PRPF38B: variants seen among roughly 807,000 people sequenced by gnomAD.
PRPF38B encodes the protein pre-mRNA-splicing factor 38B.
Under a neutral mutation model 67.2 loss-of-function variants are expected in PRPF38B, and 18 were observed. That is an observed-to-expected ratio of 0.27 (90% CI 0.19 to 0.40). The LOEUF (loss-of-function observed/expected upper bound fraction) is 0.40. PRPF38B is among the 10% of genes least tolerant of loss of function. The pLI is 1.00. For missense variants in PRPF38B, 544 were observed against 684.9 expected (o/e 0.79, Z 2.30); for synonymous variants, 246 against 234.2 (o/e 1.05, Z -0.46).
At position 108,692,582 on chromosome 1, in the gene PRPF38B, C is replaced by A. The variant is rs772960236; in HGVS notation, c.-10C>A. 17 of 1,372,120 alleles carry A rather than the reference C, an allele frequency of 1.2e-5. No homozygotes were observed. Among genetic ancestry groups the A allele is most frequent in the Admixed American group, 8.8e-5 (4 of 45,708 alleles). The allele number at this position is 1,372,120 out of a possible 1,614,324, so 85.0% of individuals were successfully genotyped here. ...CCCCTCCTTCCCTCCCTCCTTCCTT[C>A]CGCCGCAACATGGCTAACAACAGCC... On this transcript the variant is annotated 5_prime_UTR_variant, in exon 1 of 6. Coordinates refer to ENST00000370025, the MANE Select transcript of PRPF38B (RefSeq NM_018061.4).
chr1:108,692,756 C>G lies in PRPF38B; in HGVS notation c.165C>G (p.Thr55=), dbSNP rs746697990. 4.3e-6 allele frequency: 7 copies of G among 1,613,994 alleles called. No homozygotes were observed. Among genetic ancestry groups the G allele is most frequent in the African/African-American group, 1.3e-5 (1 of 74,936 alleles). ...NVLPLWGNEK[T]MNLNPMILTN... ...TCCCGCTCTGGGGCAACGAGAAGAC[C>G]ATGAACCTCAACCCCATGATCCTGA... Residue 55 remains threonine (T), a synonymous_variant, in exon 1 of 6, where the codon ACC becomes ACG. Transcript: ENST00000370025.
intron 1 of PRPF38B, among the ~76,000 whole-genome samples, chr1:108,695,218 A>G (rs771119262): frequency 6.6e-6 from 1 of 152,224 alleles, no homozygotes; most frequent in Admixed American, 6.5e-5. Context: ...TTAAATTACA[A>G]TAAAATTGAA....
At chr1:108,695,991 TAA>T (rs1659828879) in intron 2 of PRPF38B, 50 bp from the exon 3 acceptor site, 16 of 1,566,880 alleles carry the variant, frequency 1.0e-5, no homozygotes, top group African/African-American at 5.4e-5. Context: ...CAATTGGTGT[TAA>T]GAGTCCGTTA....
chr1:108,694,575 A>G (rs1659670001), intron 1 of PRPF38B, among the ~76,000 whole-genome samples: 1 of 152,312 alleles, frequency 6.6e-6, no homozygotes, highest in East Asian at 1.9e-4. Context: ...AGGAATTGAA[A>G]CATCTTTTAC....
rs906102253 is a variant in PRPF38B at position 108,701,065 on chromosome 1, G to A, written c.*1045G>A. 1.2e-4 allele frequency: 19 copies of A among 152,726 alleles called. No homozygotes were observed. Among genetic ancestry groups the A allele is most frequent in the African/African-American group, 4.3e-4 (18 of 41,550 alleles). 9.5% of individuals were successfully genotyped at this position (152,726 alleles called of 1,614,324 possible). On this transcript the variant is annotated 3_prime_UTR_variant, in exon 6 of 6. Transcript: ENST00000370025. Reference sequence around the variant, plus strand: ...AATCTAGAACAGAGGAGTATTAAAAGTAATGCTGTGCTGCATTATTTAAGA... The same window carrying A: ...AATCTAGAACAGAGGAGTATTAAAAATAATGCTGTGCTGCATTATTTAAGA...
rs1237085592 is a variant in PRPF38B at position 108,702,859 on chromosome 1, T to C, written c.*2839T>C. 6.6e-6 allele frequency among the ~76,000 whole-genome samples: 1 copy of C among 152,224 alleles called. No homozygotes were observed. Among genetic ancestry groups the C allele is most frequent in the Non-Finnish European group, 1.5e-5 (1 of 68,034 alleles). On this transcript the variant is annotated 3_prime_UTR_variant, in exon 6 of 6. Transcript: ENST00000370025. ...GTACTTACTGGAATGATTTCACCTT[T>C]CCATGTATTAAAATCTTTTGCCTGT...
intron 1 of PRPF38B, chr1:108,693,649 A>C (rs1659551848): frequency 1.0e-6 from 1 of 971,724 alleles, no homozygotes; most frequent in African/African-American, 1.8e-5. Flanking sequence ...AGAGGTATGC[A>C]CTATTAATCA....
chr1:108,693,137 A>C lies in PRPF38B; in HGVS notation c.276+270A>C, dbSNP rs552345822. ...TGCCCACCCCTGGGGGGAGTTGGGC[A>C]AGAGGGATGGGGGAGAGGAGGAAAG... On this transcript the variant is annotated intron_variant, in intron 1 of 5. Coordinates refer to ENST00000370025, the MANE Select transcript of PRPF38B (RefSeq NM_018061.4). Among the ~76,000 whole-genome samples the C allele has an allele frequency of 5.9e-5, 9 of 152,338 alleles. No individual in the cohort carries two copies. In the East Asian group the frequency reaches 1.7e-3, roughly 29 times the overall value.
intron 5 of PRPF38B, 68 bp downstream of exon 5, chr1:108,698,895 A>G: frequency 1.4e-6 from 2 of 1,409,052 alleles, no homozygotes; most frequent in Admixed American, 2.2e-5. Flanking sequence ...GTTCTGAGAA[A>G]TAGCAAGTTC....
chr1:108,698,663 T>G lies in PRPF38B; in HGVS notation c.618T>G (p.Ser206=), dbSNP rs1660127800. 6.2e-7 allele frequency: 1 copy of G among 1,614,080 alleles called. No individual in the cohort carries two copies. ...TGACCATTGGAGAAATGCTACGATCTTTTCTCACAAAACTGGAGTGGTTTT... is the reference window on the plus strand; with the variant it reads ...TGACCATTGGAGAAATGCTACGATCGTTTCTCACAAAACTGGAGTGGTTTT... The part of the protein sequence containing the change: ...CVMTIGEMLR[S]FLTKLEWFST... The change falls in exon 5 of 6, where the codon TCT becomes TCG. Residue 206 remains serine, a synonymous_variant. Transcript: ENST00000370025.
intron 4 of PRPF38B, 104 bp downstream of exon 4, chr1:108,696,441 A>C: frequency 9.6e-7 from 1 of 1,042,914 alleles, no homozygotes; most frequent in Non-Finnish European, 1.4e-6. Context: ...TCCTGTAGTT[A>C]AATTTATTTC....
intron 4 of PRPF38B, chr1:108,697,000 G>A (rs1659927045): frequency 2.0e-6 from 1 of 497,762 alleles, no homozygotes; most frequent in Admixed American, 3.7e-5. Flanking sequence ...TTGGCTGGGC[G>A]TGGTGGCTCA....
chr1:108,697,538 C>T (rs1298059536), intron 4 of PRPF38B: 27 of 146,092 alleles, frequency 1.8e-4, no homozygotes, highest in African/African-American at 6.0e-4. Context: ...TTATTTTTCT[C>T]TTTTTTTTTT....
chr1:108,695,292 G>C (rs1248177978), intron 1 of PRPF38B, among the ~76,000 whole-genome samples: 1 of 151,918 alleles, frequency 6.6e-6, no homozygotes, highest in East Asian at 1.9e-4. Flanking sequence ...GCTTTAAATT[G>C]GAGACTTAAA....
intron 1 of PRPF38B, chr1:108,693,528 C>A: frequency 1.2e-6 from 1 of 833,808 alleles, no homozygotes; most frequent in Non-Finnish European, 1.4e-6. Context: ...CTTGGCTGTG[C>A]TGGGGAGCTC....
In PRPF38B at chr1:108,698,821, G is replaced by A. The variant is rs770123001; in HGVS notation, c.776G>A (p.Arg259His). 8 of 1,608,460 alleles carry A rather than the reference G, an allele frequency of 5.0e-6. No individual in the cohort carries two copies. The highest frequency in any genetic ancestry group is 2.7e-5 in the African/African-American group (2 of 74,738). Residue 259 changes from arginine to histidine, a missense_variant, in exon 5 of 6, where the codon CGT (arginine) becomes CAT (histidine). By Grantham distance (29) the Arg-to-His change is conservative. Around this residue, in one of 5 missense-constraint regions of PRPF38B, gnomAD observed 387 missense variants for 386.1 expected, o/e 1.00. Coordinates refer to ENST00000370025, the MANE Select transcript of PRPF38B (RefSeq NM_018061.4). Reference protein sequence around the residue: ...EEIDRHVERRRSRSPRRSLSP... With the variant: ...EEIDRHVERRHSRSPRRSLSP... ...ATAGACAGACATGTTGAACGCAGAC[G>A]TTCAAGGTAATGTCACTCTTGAATT...
intron 4 of PRPF38B, chr1:108,696,539 T>G (rs1321110304): frequency 1.6e-6 from 1 of 614,756 alleles, no homozygotes. Flanking sequence ...TTTTATTTTC[T>G]TGTTTTAAAA....
At chr1:108,698,582 G>T (rs1660116286) in intron 4 of PRPF38B, 22 bp from the exon 5 acceptor site, 2 of 1,513,914 alleles carry the variant, frequency 1.3e-6, no homozygotes, top group Non-Finnish European at 9.1e-7. Flanking sequence ...TGACGGCTAG[G>T]GTATCTTTTG....
chr1:108,697,284 A>G (rs557463893), intron 4 of PRPF38B: 1 of 152,722 alleles, frequency 6.5e-6, no homozygotes, highest in South Asian at 2.1e-4. Context: ...ATTTACTTGC[A>G]TGGTGAAGTC....
Sources: allele counts gnomAD v4.1 joint callset (sites outside exome capture counted in the v4.1 genomes callset), GRCh38; gene constraint gnomAD v4.1.1; regional missense constraint gnomAD v4.1.1; transcripts MANE v1.5; gene names NCBI Gene and HGNC (gene_info 2026-07-23, HGNC 2026-07-21).